CYB5R2: variants seen among roughly 807,000 people sequenced by gnomAD.
CYB5R2 encodes the protein NADH-cytochrome b5 reductase 2.
A neutral mutation model predicts 29.8 loss-of-function variants in CYB5R2; 35 were observed. The ratio of observed to expected loss-of-function variants is 1.17; its 90% CI spans 0.90 to 1.56. CYB5R2 has a LOEUF of 1.56. CYB5R2 is among the 40% of genes most tolerant of loss of function. The pLI is 0.00. For synonymous variants in CYB5R2, 169 were observed against 130.6 expected, an observed-to-expected ratio of 1.29 and a Z score of -2.01; for missense variants, 419 against 346.7, an observed-to-expected ratio of 1.21 and a Z score of -1.66.
chr11:7,668,575 G>C lies in CYB5R2; in HGVS notation c.389-14C>G, dbSNP rs1461710822. 3 of 1,602,446 alleles carry C rather than the reference G, an allele frequency of 1.9e-6. No homozygotes were observed. Among genetic ancestry groups the C allele is most frequent in the Non-Finnish European group, 1.7e-6 (2 of 1,169,400 alleles). On this transcript the variant is annotated splice_polypyrimidine_tract_variant and intron_variant, in intron 5 of 8. Coordinates refer to ENST00000299498, the MANE Select transcript of CYB5R2 (RefSeq NM_016229.5). ...TTCCAAGATTCCCTGGAAACACAGA[G>C]AATGCTTATGACCTCTGCAGTTCTT...
chr11:7,673,587 C>T (rs1855895390), upstream of CYB5R2: 2 of 985,292 alleles, frequency 2.0e-6, no homozygotes, highest in Non-Finnish European at 2.4e-6. Context: ...CCGCTCCGGC[C>T]CCCAACCTCC....
chr11:7,673,457 G>T lies in CYB5R2; in HGVS notation c.-105C>A, dbSNP rs139187121. ...CCTGCTCCTCTCCCAACTCAAGCCC[G>T]ACAGGGAAAGTTGCCTCTCCTCCCG... On this transcript the variant is annotated 5_prime_UTR_variant, in exon 1 of 9. Coordinates refer to ENST00000299498, the MANE Select transcript of CYB5R2 (RefSeq NM_016229.5). 1.0e-6 allele frequency: 1 copy of T among 986,244 alleles called. No homozygotes were observed. Among genetic ancestry groups the T allele is most frequent in the Admixed American group, 6.1e-5 (1 of 16,392 alleles). The allele number at this position is 986,244 out of a possible 1,614,324, so 61.1% of individuals were successfully genotyped here.
At chr11:7,667,249 T>C (rs745350690) in intron 7 of CYB5R2, 2 of 151,600 alleles carry the variant, frequency 1.3e-5, no homozygotes, top group Non-Finnish European at 1.5e-5. Context: ...TAGTAAATTA[T>C]AGTGCAACTT....
chr11:7,669,836 A>T, intron 3 of CYB5R2, 105 bp from the exon 4 acceptor site: 2 of 811,562 alleles, frequency 2.5e-6, no homozygotes, highest in Non-Finnish European at 4.1e-6. Flanking sequence ...TGGGGGCACA[A>T]TGTTAAGAGG....
At chr11:7,666,715 C>T (rs1203648791) in intron 7 of CYB5R2, 165 bp from the exon 8 acceptor site, 32 of 543,400 alleles carry the variant, frequency 5.9e-5, no homozygotes, top group Non-Finnish European at 1.1e-4. Flanking sequence ...GCTCCTGAAG[C>T]TCAAACCCTT....
In CYB5R2 at chr11:7,667,784, G is replaced by A; in HGVS notation, c.502C>T (p.His168Tyr). The change falls in exon 7 of 9, where the codon CAC becomes TAC. Residue 168 changes from histidine (H) to tyrosine (Y), a missense_variant. Transcript: ENST00000299498. ...GITPMLQLIR[H>Y]ITKDPSDRTR... Reference sequence around the variant, plus strand: ...CTGTCACTGGGGTCCTTGGTGATGTGGCGAATGAGCTGCAACATGGGTGTG... The same window carrying A: ...CTGTCACTGGGGTCCTTGGTGATGTAGCGAATGAGCTGCAACATGGGTGTG... 6.2e-7 allele frequency: 1 copy of A among 1,614,188 alleles called. No individual in the cohort carries two copies. The highest frequency in any genetic ancestry group is 1.1e-5 in the South Asian group (1 of 91,066).
chr11:7,669,192 AC>A lies in CYB5R2; in HGVS notation c.388+12del. ...CTCCCAGCTGGGAGCCCAAGTATTA[AC>A]CCCTCCAGTACCTGGCCCATGGTAA... On this transcript the variant is annotated intron_variant, in intron 5 of 8. Coordinates refer to ENST00000299498, the MANE Select transcript of CYB5R2 (RefSeq NM_016229.5). 2 of 1,613,874 alleles carry A rather than the reference AC, an allele frequency of 1.2e-6. No homozygotes were observed. The highest frequency in any genetic ancestry group is 1.7e-6 in the Non-Finnish European group (2 of 1,179,922).
In CYB5R2 at chr11:7,672,888, G is replaced by C. The variant is rs778901988; in HGVS notation, c.-63C>G. 1.2e-6 allele frequency: 2 copies of C among 1,611,980 alleles called. No homozygotes were observed. The highest frequency in any genetic ancestry group is 1.1e-5 in the South Asian group (1 of 90,628). On this transcript the variant is annotated 5_prime_UTR_variant, in exon 2 of 9. Transcript: ENST00000299498. The stretch of plus-strand genomic sequence containing the variant: ...ACGGTGATGGTCAGGAGCAGGGACG[G>C]GTCCTGGCAGACACAATGTGAACAG...
upstream of CYB5R2, chr11:7,673,509 G>A (rs1265186664): frequency 1.0e-6 from 1 of 985,998 alleles, no homozygotes; most frequent in Non-Finnish European, 1.2e-6. Context: ...TCAGCCTTCC[G>A]GAATCCGAGC....
chr11:7,673,572 G>A (rs541314850), upstream of CYB5R2: 182 of 983,720 alleles, frequency 1.9e-4, 2 homozygotes, highest in South Asian at 6.8e-3. Flanking sequence ...CTCTCCCCAC[G>A]CCTCCCGCTC....
chr11:7,669,985 T>TATGTC, intron 3 of CYB5R2: 1 of 460,156 alleles, frequency 2.2e-6, no homozygotes, highest in South Asian at 2.3e-5. Flanking sequence ...ATGGGGGTGA[T>TATGTC]ATGTCTGCCC....
At chr11:7,667,498 ATGCTTAG>A (rs11279270) in intron 7 of CYB5R2, 15,052 of 428,218 alleles carry the variant, frequency 0.035, 1,046 homozygotes, top group African/African-American at 0.2. Context: ...GAAAAAAGGA[ATGCTTAG>A]TGCTTAGGGC....
Position 7,672,480 on chromosome 11 carries a change from G to C in CYB5R2, c.122C>G (p.Ser41Trp), listed in dbSNP as rs907447269. Residue 41 changes from serine to tryptophan, a missense_variant, in exon 3 of 9, where the codon TCG (serine) becomes TGG (tryptophan). Transcript: ENST00000299498. ...NTRRFRFGLP[S>W]PDHVLGLPVG... ...AGGAAGCCCTAAGACATGGTCCGGC[G>C]AAGGCAGTCCAAAGCGGAACCTCCG... 1 of 1,614,208 alleles carries C rather than the reference G, an allele frequency of 6.2e-7. No homozygotes were observed. The highest frequency in any genetic ancestry group is 1.3e-5 in the African/African-American group (1 of 75,068).
chr11:7,672,639 CA>C, intron 2 of CYB5R2, 108 bp downstream of exon 2: 1 of 1,510,704 alleles, frequency 6.6e-7, no homozygotes, highest in South Asian at 1.2e-5. Flanking sequence ...CACACACACA[CA>C]CAGGGCGGCG....
At position 7,668,458 on chromosome 11, in the gene CYB5R2, A is replaced by G; in HGVS notation, c.472+20T>C. ...GTCTCGGGGCTCACTCTCTGGATGG[A>G]GCCCCTAGAAGCCTCTTACCTGTGC... On this transcript the variant is annotated intron_variant, in intron 6 of 8. Coordinates refer to ENST00000299498, the MANE Select transcript of CYB5R2 (RefSeq NM_016229.5). 3 of 1,594,990 alleles carry G rather than the reference A, an allele frequency of 1.9e-6. No individual in the cohort carries two copies. Among genetic ancestry groups the G allele is most frequent in the Non-Finnish European group, 2.6e-6 (3 of 1,162,518 alleles).
At position 7,672,750 on chromosome 11, in the gene CYB5R2, CTT is replaced by C. The variant is rs1565157792; in HGVS notation, c.74_75del (p.Lys25ArgfsTer27). The C allele has an allele frequency of 2.5e-6, 4 of 1,614,176 alleles. No individual in the cohort carries two copies. Among genetic ancestry groups the C allele is most frequent in the Non-Finnish European group, 3.4e-6 (4 of 1,180,030 alleles). ...CACCCACAGGGCTGACCCATTACCT[CTT>C]TCTCAATCAAGGGCAGCGGGTACTT... ...EAKYPLPLIE[K>X]EKISHNTRRF... is the part of the protein sequence containing the mutation. On this transcript the variant is annotated frameshift_variant, in exon 2 of 9. Transcript: ENST00000299498. LOFTEE classifies it high-confidence loss of function.
rs948105913 is a variant in CYB5R2, at chr11:7,669,970, G to A, written c.152-239C>T. The A allele has an allele frequency of 6.1e-6, 3 of 491,916 alleles. No homozygotes were observed. In the Admixed American group the frequency reaches 1.1e-4, roughly 18 times the overall value. The allele number at this position is 491,916 out of a possible 1,614,324, so 30.5% of individuals were successfully genotyped here. A position where few individuals can be genotyped will look rare whatever the true frequency, so the allele number is the denominator to read the frequency against. ...TCTCTGGGTTTTGGTCTCTTCATCT[G>A]TAAAATGGGGGTGATATGTCTGCCC... is the stretch of plus-strand genomic sequence containing the variant. On this transcript the variant is annotated intron_variant, in intron 3 of 8. Coordinates refer to ENST00000299498, the MANE Select transcript of CYB5R2 (RefSeq NM_016229.5).
chr11:7,666,848 C>CTTTTTTAATG, intron 7 of CYB5R2: 2 of 277,718 alleles, frequency 7.2e-6, no homozygotes, highest in Non-Finnish European at 1.4e-5. Flanking sequence ...AGGATGGCTT[C>CTTTTTTAATG]ACTCGGAGCT....
chr11:7,673,254 G>A lies in CYB5R2; in HGVS notation c.-67+165C>T, dbSNP rs559118314. 2.1e-3 allele frequency: 1,174 copies of A among 571,296 alleles called. 2 individuals carry two copies. The highest frequency in any genetic ancestry group is 3.1e-3 in the Middle Eastern group (4 of 1,306). The allele number at this position is 571,296 out of a possible 1,614,324, so 35.4% of individuals were successfully genotyped here. Reference sequence around the variant, plus strand: ...GGACATCACCCCTAACACACAATCCGGAATGAGGGGCCCAGTCCCTAAAGA... The same window carrying A: ...GGACATCACCCCTAACACACAATCCAGAATGAGGGGCCCAGTCCCTAAAGA... On this transcript the variant is annotated intron_variant, in intron 1 of 8. Transcript: ENST00000299498.
Sources: gnomAD v4.1 joint callset for allele counts on GRCh38, gnomAD v4.1.1 for gene constraint, MANE v1.5 for transcripts, NCBI Gene and HGNC (gene_info 2026-07-23, HGNC 2026-07-21) for gene names.